COL9A2: variants seen among roughly 807,000 people sequenced by gnomAD.
COL9A2 encodes the protein collagen type IX alpha 2 chain, also known as collagen alpha-2(IX) chain.
A neutral mutation model predicts 111.6 loss-of-function variants in COL9A2; 66 were observed. The ratio of observed to expected loss-of-function variants is 0.59; its 90% CI spans 0.48 to 0.73. The LOEUF (loss-of-function observed/expected upper bound fraction) is 0.73, where lower values mean the gene tolerates loss of function less well. COL9A2 is among the 30% of genes least tolerant of loss of function. The pLI, the probability that COL9A2 is intolerant of heterozygous loss-of-function variation, is 0.00. For synonymous variants in COL9A2, 353 were observed against 364.1 expected (o/e 0.97, Z 0.35); for missense variants, 881 against 954.1 (o/e 0.92, Z 1.01).
At chr1:40,308,086 C>T in intron 17 of COL9A2, 106 bp downstream of exon 17, 1 of 1,124,562 alleles carries the variant, frequency 8.9e-7, no homozygotes, top group African/African-American at 1.5e-5. Context: ...GCCAGCCCAC[C>T]AGTTGCAGAG....
In COL9A2 at chr1:40,304,058, A is replaced by G; in HGVS notation, c.1323+6T>C. On this transcript the variant is annotated splice_donor_region_variant and intron_variant, in intron 25 of 31. Transcript: ENST00000372748. ...GGTCGCTGGGAACAGGGGTGCTGGAACTCACCACTTTGCCGCGGGGCCCGG... is the reference window on the plus strand; with the variant it reads ...GGTCGCTGGGAACAGGGGTGCTGGAGCTCACCACTTTGCCGCGGGGCCCGG... The G allele has an allele frequency of 1.3e-6, 2 of 1,580,152 alleles. No homozygotes were observed. The highest frequency in any genetic ancestry group is 1.8e-5 in the Admixed American group (1 of 54,252).
In COL9A2 at chr1:40,311,533, G is replaced by A. The variant is rs1003113323; in HGVS notation, c.486C>T (p.Thr162=). The part of the protein sequence containing the change: ...GPPGKPGRPG[T]IQGLEGSADF... Reference sequence around the variant, plus strand: ...CCGCACTGCCTTCCAGACCCTGGATGGTTCCCGGGCGACCCTGAGAGGAGA... The same window carrying A: ...CCGCACTGCCTTCCAGACCCTGGATAGTTCCCGGGCGACCCTGAGAGGAGA... Residue 162 remains threonine (T), a synonymous_variant, in exon 10 of 32, where the codon ACC becomes ACT. Coordinates refer to ENST00000372748, the MANE Select transcript of COL9A2 (RefSeq NM_001852.4). This position sits in a 1 kb window ranked among gnomAD's most constrained non-coding sequence, Gnocchi z 5.1. The A allele has an allele frequency of 2.5e-6, 4 of 1,612,794 alleles. No homozygotes were observed. Among genetic ancestry groups the A allele is most frequent in the African/African-American group, 2.7e-5 (2 of 74,742 alleles).
In COL9A2 at chr1:40,303,484, C is replaced by T. The variant is rs1402539438; in HGVS notation, c.1548+46G>A. 6.2e-7 allele frequency: 1 copy of T among 1,611,302 alleles called. No individual in the cohort carries two copies. The highest frequency in any genetic ancestry group is 1.1e-5 in the South Asian group (1 of 90,914). ...TTGGCGGGTAAGCCGCACCCCAGAA[C>T]AGATCTACCTAGAAGAAGCACCTCC... On this transcript the variant is annotated intron_variant, in intron 28 of 31. Transcript: ENST00000372748. This position sits in a 1 kb window ranked among gnomAD's most constrained non-coding sequence, Gnocchi z 4.6.
chr1:40,308,272 C>A, intron 16 of COL9A2, 27 bp from the exon 17 acceptor site: 1 of 1,609,512 alleles, frequency 6.2e-7, no homozygotes, highest in Non-Finnish European at 8.5e-7. Context: ...GATCAGGTCA[C>A]CCTCAGGATG....
At chr1:40,301,782 C>T in intron 31 of COL9A2, 30 bp downstream of exon 31, 1 of 1,603,978 alleles carries the variant, frequency 6.2e-7, no homozygotes, top group African/African-American at 1.3e-5. Flanking sequence ...CTGAGGAACA[C>T]ACTGCAGCTG....
rs917703599 is a variant in COL9A2, at chr1:40,307,364, C to A, written c.1008+82G>T. ...AACAAGGCAAGAGGTGGTGATTGAG[C>A]AAGAGCCCCGGGTGTGTGTGGATTC... On this transcript the variant is annotated intron_variant, in intron 19 of 31. Coordinates refer to ENST00000372748, the MANE Select transcript of COL9A2 (RefSeq NM_001852.4). The surrounding 1 kb of genome is among the most constrained non-coding windows in gnomAD (Gnocchi z 4.8). 3.6e-6 allele frequency: 5 copies of A among 1,374,304 alleles called. No individual in the cohort carries two copies. In the African/African-American group the frequency reaches 7.2e-5, roughly 20 times the overall value. 85.1% of individuals were successfully genotyped at this position (1,374,304 alleles called of 1,614,324 possible).
chr1:40,317,286 C>A lies in COL9A2; in HGVS notation c.-89G>T. On this transcript the variant is annotated 5_prime_UTR_variant, in exon 1 of 32. Coordinates refer to ENST00000372748, the MANE Select transcript of COL9A2 (RefSeq NM_001852.4). This position sits in a 1 kb window ranked among gnomAD's most constrained non-coding sequence, Gnocchi z 4.3. ...CGGCGCTCCTCCAGCGCTGGCTGTT[C>A]GCGGGCAGGGTGGGCTGGGGCTCCT... 2.2e-6 allele frequency: 1 copy of A among 447,910 alleles called. No individual in the cohort carries two copies. The highest frequency in any genetic ancestry group is 4.2e-6 in the Non-Finnish European group (1 of 240,770). 27.7% of individuals were successfully genotyped at this position (447,910 alleles called of 1,614,324 possible). A position where few individuals can be genotyped will look rare whatever the true frequency, so the allele number is the denominator to read the frequency against.
chr1:40,315,742 G>A, intron 1 of COL9A2, 78 bp from the exon 2 acceptor site: 1 of 1,032,456 alleles, frequency 9.7e-7, no homozygotes, highest in Non-Finnish European at 1.4e-6. Context: ...AAGCGACCCT[G>A]GGAGCGGGGT....
In COL9A2 at chr1:40,311,408, C is replaced by T. The variant is rs1644123158; in HGVS notation, c.519+92G>A. 1 of 1,581,968 alleles carries T rather than the reference C, an allele frequency of 6.3e-7. No individual in the cohort carries two copies. The highest frequency in any genetic ancestry group is 2.3e-5 in the East Asian group (1 of 44,042). ...CCCCTGCACTGCAGCCCCTCCCCAT[C>T]TCTCCAGACACCCCCATCTCCGTGG... On this transcript the variant is annotated intron_variant, in intron 10 of 31. Coordinates refer to ENST00000372748, the MANE Select transcript of COL9A2 (RefSeq NM_001852.4). This position sits in a 1 kb window ranked among gnomAD's most constrained non-coding sequence, Gnocchi z 5.1.
chr1:40,304,037 G>A, intron 25 of COL9A2, 27 bp downstream of exon 25: 1 of 1,576,256 alleles, frequency 6.3e-7, no homozygotes, highest in African/African-American at 1.3e-5. Context: ...GTTGGGGGTC[G>A]CTGGGAACAG....
At chr1:40,313,883 C>A (rs951736138) in intron 4 of COL9A2, among the ~76,000 whole-genome samples, 39 of 151,934 alleles carry the variant, frequency 2.6e-4, no homozygotes, top group African/African-American at 9.4e-4. Flanking sequence ...ACAAGGACAG[C>A]CCCACCCAAC....
chr1:40,312,211 AC>A lies in COL9A2; in HGVS notation c.364-100del. On this transcript the variant is annotated intron_variant, in intron 7 of 31. Coordinates refer to ENST00000372748, the MANE Select transcript of COL9A2 (RefSeq NM_001852.4). This position sits in a 1 kb window ranked among gnomAD's most constrained non-coding sequence, Gnocchi z 6.0. ...ACCCAAAGCCCGTTTCTCCACTTTT[AC>A]TTTTTTTTTTTTTTTGCCAACCCCA... 9.2e-7 allele frequency: 1 copy of A among 1,086,544 alleles called. No homozygotes were observed. Among genetic ancestry groups the A allele is most frequent in the Non-Finnish European group, 1.3e-6 (1 of 772,154 alleles). The allele number at this position is 1,086,544 out of a possible 1,614,324, so 67.3% of individuals were successfully genotyped here.
At chr1:40,301,424 C>T in intron 31 of COL9A2, 43 bp from the exon 32 acceptor site, 7 of 1,554,482 alleles carry the variant, frequency 4.5e-6, no homozygotes, top group Non-Finnish European at 5.2e-6. Flanking sequence ...CACCTCTTGT[C>T]TCAGGCCCAG....
At position 40,307,472 on chromosome 1, in the gene COL9A2, C is replaced by T. The variant is rs199733570; in HGVS notation, c.982G>A (p.Gly328Arg). Residue 328 changes from glycine (G) to arginine (R), a missense_variant, in exon 19 of 32, where the codon GGA (glycine) becomes AGA (arginine). Coordinates refer to ENST00000372748, the MANE Select transcript of COL9A2 (RefSeq NM_001852.4). The surrounding 1 kb of genome is among the most constrained non-coding windows in gnomAD (Gnocchi z 4.8). ...KGSAGQAGQP[G>R]SPGHQGLAGV... ...GCTAGGCCCTGGTGGCCTGGACTTC[C>T]GGGCTGTCCCGCCTGTCCTGCACTG... 314 of 1,614,094 alleles carry T rather than the reference C, an allele frequency of 1.9e-4. No homozygotes were observed. The East Asian group carries it at 6.6e-3, about 34-fold the overall frequency.
At position 40,311,692 on chromosome 1, in the gene COL9A2, T is replaced by G; in HGVS notation, c.441A>C (p.Pro147=). Residue 147 remains proline, a synonymous_variant, in exon 9 of 32, where the codon CCA becomes CCC. Transcript: ENST00000372748. The surrounding 1 kb of genome is among the most constrained non-coding windows in gnomAD (Gnocchi z 5.1). ...TCCCAGGGGGTCCTGGGGGCCCCGA[T>G]GGTCCATCTGGTCCAGGGTCCCCCT... ...GPKGDPGPDG[P]SGPPGPPGKP... is the part of the protein sequence containing the mutation. 6.2e-7 allele frequency: 1 copy of G among 1,613,980 alleles called. No homozygotes were observed. The highest frequency in any genetic ancestry group is 8.5e-7 in the Non-Finnish European group (1 of 1,179,960).
chr1:40,311,676 G>A lies in COL9A2; in HGVS notation c.457C>T (p.Pro153Ser), dbSNP rs1644130499. 5 of 1,614,014 alleles carry A rather than the reference G, an allele frequency of 3.1e-6. No homozygotes were observed. Among genetic ancestry groups the A allele is most frequent in the Non-Finnish European group, 4.2e-6 (5 of 1,179,954 alleles). The change falls in exon 9 of 32, where the codon CCC (proline) becomes TCC (serine). Residue 153 changes from proline (P) to serine (S), a missense_variant. Pro to Ser is a moderately conservative substitution (Grantham distance 74). Coordinates refer to ENST00000372748, the MANE Select transcript of COL9A2 (RefSeq NM_001852.4). The surrounding 1 kb of genome is among the most constrained non-coding windows in gnomAD (Gnocchi z 5.1). ...GGGACACTTACAGGTTTCCCAGGGG[G>A]TCCTGGGGGCCCCGATGGTCCATCT... ...GPDGPSGPPGPPGKPGRPGTI... is the reference protein window; with the variant it reads ...GPDGPSGPPGSPGKPGRPGTI...
chr1:40,311,197 C>T lies in COL9A2; in HGVS notation c.576+33G>A. 1 of 1,614,184 alleles carries T rather than the reference C, an allele frequency of 6.2e-7. No homozygotes were observed. The highest frequency in any genetic ancestry group is 8.5e-7 in the Non-Finnish European group (1 of 1,179,982). On this transcript the variant is annotated intron_variant, in intron 11 of 31. Coordinates refer to ENST00000372748, the MANE Select transcript of COL9A2 (RefSeq NM_001852.4). This position sits in a 1 kb window ranked among gnomAD's most constrained non-coding sequence, Gnocchi z 5.1. ...CGAGGTCCCCTCCTGTCACCTGCAC[C>T]ACCCTCCCAAGATTCAGGCCAGGAG...
rs1006121528 is a variant in COL9A2 at position 40,307,502 on chromosome 1, G to A, written c.955-3C>T. 4 of 1,614,000 alleles carry A rather than the reference G, an allele frequency of 2.5e-6. No individual in the cohort carries two copies. The highest frequency in any genetic ancestry group is 3.4e-6 in the Non-Finnish European group (4 of 1,179,982). ...TGTCCCGCCTGTCCTGCACTGCCCTGGGATAGACAGATAACCAAAGATACA... is the reference window on the plus strand; with the variant it reads ...TGTCCCGCCTGTCCTGCACTGCCCTAGGATAGACAGATAACCAAAGATACA... On this transcript the variant is annotated splice_region_variant and splice_polypyrimidine_tract_variant and intron_variant, in intron 18 of 31. Transcript: ENST00000372748. This position sits in a 1 kb window ranked among gnomAD's most constrained non-coding sequence, Gnocchi z 4.8.
chr1:40,303,315 A>G lies in COL9A2; in HGVS notation c.1549-130T>C. ...GAGTCATTAATTCCCAAGCTGAGGA[A>G]CAGATTGTACCTGGGCAGGGCCAAG... is the stretch of plus-strand genomic sequence containing the variant. On this transcript the variant is annotated intron_variant, in intron 28 of 31. Transcript: ENST00000372748. This position sits in a 1 kb window ranked among gnomAD's most constrained non-coding sequence, Gnocchi z 4.6. 1 of 1,165,756 alleles carries G rather than the reference A, an allele frequency of 8.6e-7. No individual in the cohort carries two copies. 72.2% of individuals were successfully genotyped at this position (1,165,756 alleles called of 1,614,324 possible).
Sources: allele counts gnomAD v4.1 joint callset (sites outside exome capture counted in the v4.1 genomes callset), GRCh38; gene constraint gnomAD v4.1.1; non-coding constraint Gnocchi (gnomAD v3.1); transcripts MANE v1.5; gene names NCBI Gene and HGNC (gene_info 2026-07-23, HGNC 2026-07-21).